The following GRIN2B variants were observed in gnomAD, a reference collection of about 807,000 sequenced individuals.
GRIN2B encodes glutamate receptor ionotropic, NMDA 2B.
A neutral mutation model predicts 114.5 loss-of-function variants in GRIN2B; 5 were observed. The observed-to-expected ratio is 0.04, with a 90% CI of 0.02 to 0.09. The LOEUF (loss-of-function observed/expected upper bound fraction) is 0.09. Among genes scored for constraint, GRIN2B ranks in the 10% least tolerant of loss-of-function variants. The probability of loss-of-function intolerance (pLI) is 1.00; values close to 1 mark genes in which losing one functional copy is unlikely to be tolerated. For missense variants in GRIN2B, 1,108 were observed against 1,943.5 expected (o/e 0.57, Z 8.08); for synonymous variants, 787 against 745.1 (o/e 1.06, Z -0.92).
chr12:13,954,823 A>AAAAAAAAAAAAAAC (rs1565599383), intron 2 of GRIN2B, among the ~76,000 whole-genome samples: 1 of 147,670 alleles, frequency 6.8e-6, no homozygotes, highest in African/African-American at 2.5e-5. Context: ...AAAAAAAAAA[A>AAAAAAAAAAAAAAC]AAAAAACTTT....
intron 3 of GRIN2B, among the ~76,000 whole-genome samples, chr12:13,755,892 T>C (rs1224690041): frequency 6.6e-6 from 1 of 152,202 alleles, no homozygotes; most frequent in Non-Finnish European, 1.5e-5. Flanking sequence ...ACCTTGCTCC[T>C]TCCACCCTGT....
rs181182300 is a variant in GRIN2B at position 13,560,485 on chromosome 12, G to A, written c.*2298C>T. On this transcript the variant is annotated 3_prime_UTR_variant, in exon 14 of 14. Coordinates refer to ENST00000609686, the MANE Select transcript of GRIN2B (RefSeq NM_000834.5). ...CTCCCTTGGTTCTAGATTGCTGTTC[G>A]CTAGGTTAGTTGGTTTGGTTTTTTT... 7.2e-5 allele frequency: 11 copies of A among 152,326 alleles called. No individual in the cohort carries two copies. The East Asian group carries it at 1.5e-3, about 21-fold the overall frequency. The allele number at this position is 152,326 out of a possible 1,614,324, so 9.4% of individuals were successfully genotyped here.
At chr12:13,912,715 G>C (rs2136801570) in intron 2 of GRIN2B, among the ~76,000 whole-genome samples, 1 of 152,236 alleles carries the variant, frequency 6.6e-6, no homozygotes, top group South Asian at 2.1e-4. Context: ...AGACCTTTAA[G>C]AGTCTCAGTT....
At chr12:13,696,019 T>A (rs1003680275) in intron 4 of GRIN2B, among the ~76,000 whole-genome samples, 2 of 152,230 alleles carry the variant, frequency 1.3e-5, no homozygotes, top group African/African-American at 4.8e-5. Flanking sequence ...TATCAAGGTA[T>A]GACACCTTGT....
intron 2 of GRIN2B, among the ~76,000 whole-genome samples, chr12:13,870,594 C>T (rs560300188): frequency 1.3e-5 from 2 of 152,120 alleles, no homozygotes; most frequent in Non-Finnish European, 2.9e-5. Context: ...AGTCCTGGGG[C>T]AACCACAACT....
intron 3 of GRIN2B, among the ~76,000 whole-genome samples, chr12:13,833,191 A>G (rs149227377): frequency 4.6e-5 from 7 of 152,322 alleles, no homozygotes; most frequent in Non-Finnish European, 7.3e-5. Flanking sequence ...GAGGATGTAG[A>G]CTTGTATTAA....
At chr12:13,667,966 C>G (rs1949993064) in intron 5 of GRIN2B, among the ~76,000 whole-genome samples, 1 of 152,072 alleles carries the variant, frequency 6.6e-6, no homozygotes, top group African/African-American at 2.4e-5. Flanking sequence ...ATCTCTCTAC[C>G]ACTCTTTCTT....
chr12:13,955,036 C>T (rs1032149570), intron 2 of GRIN2B, among the ~76,000 whole-genome samples: 3 of 151,830 alleles, frequency 2.0e-5, no homozygotes, highest in Non-Finnish European at 4.4e-5. Context: ...ATGAGCCTTC[C>T]CCAATGTACC....
In GRIN2B at chr12:13,694,668, T is replaced by C. The variant is rs1461855066; in HGVS notation, c.1011-18809A>G. Among the ~76,000 whole-genome samples, 48 of 64,996 alleles carry C rather than the reference T, an allele frequency of 7.4e-4. 2 individuals carry two copies. The highest frequency in any genetic ancestry group is 4.4e-3 in the South Asian group (6 of 1,370). The allele number at this position is 64,996 out of a possible 152,430, so 42.6% of individuals were successfully genotyped here. A position where few individuals can be genotyped will look rare whatever the true frequency, so the allele number is the denominator to read the frequency against. ...TGCAAGAAAATGTCATATATATATA[T>C]ATATATATATATATATATATATATA... is the stretch of plus-strand genomic sequence containing the variant. On this transcript the variant is annotated intron_variant, in intron 4 of 13. Transcript: ENST00000609686.
intron 3 of GRIN2B, among the ~76,000 whole-genome samples, chr12:13,851,617 C>A (rs1051846237): frequency 2.6e-5 from 4 of 152,144 alleles, no homozygotes; most frequent in Admixed American, 2.0e-4. Flanking sequence ...AAAATAAAAT[C>A]TCCCCTGTTG....
intron 2 of GRIN2B, among the ~76,000 whole-genome samples, chr12:13,969,843 TA>T (rs1867846639): frequency 6.6e-6 from 1 of 152,194 alleles, no homozygotes; most frequent in Non-Finnish European, 1.5e-5. Flanking sequence ...GGGTACATAA[TA>T]AAAAGGAGAG....
chr12:13,808,007 C>G (rs178325), intron 3 of GRIN2B, among the ~76,000 whole-genome samples: 130,895 of 152,148 alleles, frequency 0.86, 56,843 homozygotes, highest in East Asian at 1. Flanking sequence ...ATGACATTAC[C>G]CACTGTAAAG....
chr12:13,958,862 C>T (rs1250696436), intron 2 of GRIN2B, among the ~76,000 whole-genome samples: 2 of 151,890 alleles, frequency 1.3e-5, no homozygotes, highest in Non-Finnish European at 2.9e-5. Context: ...CCCGCCTTGG[C>T]TTTGAGAGAG....
intron 3 of GRIN2B, among the ~76,000 whole-genome samples, chr12:13,772,007 C>T (rs1003722951): frequency 6.6e-6 from 1 of 152,244 alleles, no homozygotes; most frequent in East Asian, 1.9e-4. Context: ...GTCATTCACT[C>T]AGCTGGATGA....
In GRIN2B at chr12:13,560,296, A is replaced by AAAAC. The variant is rs558876377; in HGVS notation, c.*2483_*2486dup. On this transcript the variant is annotated 3_prime_UTR_variant, in exon 14 of 14. Coordinates refer to ENST00000609686, the MANE Select transcript of GRIN2B (RefSeq NM_000834.5). ...CCAATGGGAAATGAAAACCCATAACAAAACACTTTTTCCCTCTCATTCCCA... is the reference window on the plus strand; with the variant it reads ...CCAATGGGAAATGAAAACCCATAACAAAACAAACACTTTTTCCCTCTCATTCCCA... 183 of 152,310 alleles carry AAAAC rather than the reference A, an allele frequency of 1.2e-3. 1 individual carries two copies. Among genetic ancestry groups the AAAAC allele is most frequent in the African/African-American group, 4.0e-3 (168 of 41,568 alleles). 9.4% of individuals were successfully genotyped at this position (152,310 alleles called of 1,614,324 possible). A position where few individuals can be genotyped will look rare whatever the true frequency, so the allele number is the denominator to read the frequency against.
At chr12:13,645,072 T>G (rs1296295433) in intron 5 of GRIN2B, among the ~76,000 whole-genome samples, 3 of 152,146 alleles carry the variant, frequency 2.0e-5, no homozygotes, top group Non-Finnish European at 4.4e-5. Flanking sequence ...CTTGGCTAAT[T>G]GTTTTGTACA....
At chr12:13,693,130 G>T (rs1400800825) in intron 4 of GRIN2B, among the ~76,000 whole-genome samples, 1 of 152,068 alleles carries the variant, frequency 6.6e-6, no homozygotes, top group East Asian at 1.9e-4. Context: ...TTAGAAGTGT[G>T]TTAGGTCTTT....
At chr12:13,817,231 T>C (rs1424200103) in intron 3 of GRIN2B, among the ~76,000 whole-genome samples, 2 of 152,176 alleles carry the variant, frequency 1.3e-5, no homozygotes, top group African/African-American at 4.8e-5. Context: ...TGCCTCCTTC[T>C]CTGATGTCTC....
chr12:13,637,264 C>T (rs906421513), intron 5 of GRIN2B, among the ~76,000 whole-genome samples: 27 of 152,052 alleles, frequency 1.8e-4, no homozygotes, highest in African/African-American at 5.8e-4. Flanking sequence ...GGGTAGTATG[C>T]AAGAAGAGGA....
Sources: allele counts gnomAD v4.1 joint callset (sites outside exome capture counted in the v4.1 genomes callset), GRCh38; gene constraint gnomAD v4.1.1; transcripts MANE v1.5; gene names NCBI Gene and HGNC (gene_info 2026-07-23, HGNC 2026-07-21).